The following KCNMB4 variants were observed in gnomAD, a reference collection of about 807,000 sequenced individuals.
The protein encoded by KCNMB4 is potassium calcium-activated channel subfamily M regulatory beta subunit 4.
KCNMB4 carries 3 observed loss-of-function variants against 20.7 expected under a neutral mutation model. That is an observed-to-expected ratio of 0.14 (90% CI 0.07 to 0.37). KCNMB4 has a LOEUF of 0.37. KCNMB4 is among the 10% of genes least tolerant of loss of function. The pLI, the probability that KCNMB4 is intolerant of heterozygous loss-of-function variation, is 1.00. For missense variants in KCNMB4, 168 were observed against 265.9 expected (o/e 0.63, Z 2.56); for synonymous variants, 110 against 113.4 (o/e 0.97, Z 0.19).
In KCNMB4 at chr12:70,425,427, G is replaced by A. The variant is rs1048894594; in HGVS notation, c.465-5058G>A. 1.8e-4 allele frequency among the ~76,000 whole-genome samples: 27 copies of A among 152,040 alleles called. 1 individual carries two copies. Among genetic ancestry groups the A allele is most frequent in the Non-Finnish European group, 1.6e-4 (11 of 68,014 alleles). On this transcript the variant is annotated intron_variant, in intron 2 of 2. Transcript: ENST00000258111. ...CACTTCAGCCTGGGCGACAGAGCAAGACCCCATCTCAAAAAAACAAAAACA... is the reference window on the plus strand; with the variant it reads ...CACTTCAGCCTGGGCGACAGAGCAAAACCCCATCTCAAAAAAACAAAAACA...
At chr12:70,403,952 A>T (rs557775682) in intron 2 of KCNMB4, among the ~76,000 whole-genome samples, 1 of 152,388 alleles carries the variant, frequency 6.6e-6, no homozygotes, top group African/African-American at 2.4e-5. Context: ...TCAAATTAAA[A>T]GGAGGGTTCT....
At chr12:70,405,805 CT>C (rs1216520157) in intron 2 of KCNMB4, among the ~76,000 whole-genome samples, 3 of 152,054 alleles carry the variant, frequency 2.0e-5, no homozygotes, top group African/African-American at 7.2e-5. Context: ...ATGGTGATAC[CT>C]GGGGTCTCAG....
intron 2 of KCNMB4, among the ~76,000 whole-genome samples, chr12:70,428,619 A>T (rs1388888087): frequency 6.6e-6 from 1 of 152,082 alleles, no homozygotes; most frequent in African/African-American, 2.4e-5. Context: ...CTCAGCCTTG[A>T]CTTTTTTAGA....
At chr12:70,384,894 A>AAG (rs1883861504) in intron 1 of KCNMB4, among the ~76,000 whole-genome samples, 1 of 150,406 alleles carries the variant, frequency 6.6e-6, no homozygotes, top group African/African-American at 2.4e-5. Flanking sequence ...AAAAAAAAAA[A>AAG]AAGAAGAAAA....
intron 1 of KCNMB4, among the ~76,000 whole-genome samples, chr12:70,392,943 GCATGTTCTGCA>G (rs1868313297): frequency 6.6e-6 from 1 of 151,964 alleles, no homozygotes; most frequent in Admixed American, 6.6e-5. Flanking sequence ...TAACAAACCT[GCATGTTCTGCA>G]CATGTATCCC....
chr12:70,430,485 A>G lies in KCNMB4; in HGVS notation c.465A>G (p.Arg155=). The change falls in exon 3 of 3, where the codon AGA becomes AGG. Residue 155 remains arginine (R), a splice_region_variant and synonymous_variant. Transcript: ENST00000258111. ...TTTCTTATTCTCCATTGTCTTGCAG[A>G]CCAGATGATGTGCTTCTGCATCGCA... is the stretch of plus-strand genomic sequence containing the variant. The part of the protein sequence containing the change: ...PFTCYFNQHQ[R]PDDVLLHRTH... The G allele has an allele frequency of 6.2e-7, 1 of 1,613,334 alleles. No homozygotes were observed. The highest frequency in any genetic ancestry group is 1.7e-5 in the Admixed American group (1 of 59,850).
chr12:70,384,809 G>A (rs963463528), intron 1 of KCNMB4, among the ~76,000 whole-genome samples: 2 of 143,756 alleles, frequency 1.4e-5, no homozygotes, highest in Admixed American at 1.5e-4. Flanking sequence ...AGGAGTTTAA[G>A]GTTACAGTGA....
chr12:70,425,450 A>C (rs996300898), intron 2 of KCNMB4, among the ~76,000 whole-genome samples: 1 of 151,942 alleles, frequency 6.6e-6, no homozygotes, highest in Non-Finnish European at 1.5e-5. Context: ...AAAAACAAAA[A>C]CAAAACAAAA....
At chr12:70,417,281 C>T (rs1023720968) in intron 2 of KCNMB4, among the ~76,000 whole-genome samples, 8 of 152,094 alleles carry the variant, frequency 5.3e-5, no homozygotes, top group African/African-American at 1.9e-4. Context: ...CCTGTTTGGC[C>T]CCATTTAGTA....
intron 1 of KCNMB4, among the ~76,000 whole-genome samples, chr12:70,368,643 T>G (rs1883537260): frequency 6.6e-6 from 1 of 152,166 alleles, no homozygotes; most frequent in Non-Finnish European, 1.5e-5. Flanking sequence ...CAACCAGTAG[T>G]AATGATTTAG....
intron 1 of KCNMB4, among the ~76,000 whole-genome samples, chr12:70,368,592 T>G (rs1353741972): frequency 1.3e-5 from 2 of 152,094 alleles, no homozygotes; most frequent in Non-Finnish European, 2.9e-5. Flanking sequence ...TAGAAACATT[T>G]TTTTTTTTAG....
At chr12:70,371,689 A>G (rs778691651) in intron 1 of KCNMB4, among the ~76,000 whole-genome samples, 14 of 152,196 alleles carry the variant, frequency 9.2e-5, no homozygotes, top group Non-Finnish European at 1.5e-4. Flanking sequence ...ATCTATTATA[A>G]TGATCAAAGA....
At chr12:70,400,586 G>A (rs1367537539) in intron 2 of KCNMB4, among the ~76,000 whole-genome samples, 1 of 152,168 alleles carries the variant, frequency 6.6e-6, no homozygotes, top group African/African-American at 2.4e-5. Flanking sequence ...CATTTCCTAA[G>A]AATTGCAGAT....
At position 70,366,821 on chromosome 12, in the gene KCNMB4, C is replaced by A. The variant is rs756951139; in HGVS notation, c.87C>A (p.Val29=). 5.0e-6 allele frequency: 8 copies of A among 1,612,914 alleles called. No homozygotes were observed. Among genetic ancestry groups the A allele is most frequent in the Non-Finnish European group, 6.8e-6 (8 of 1,179,946 alleles). Residue 29 remains valine, a synonymous_variant, in exon 1 of 3, where the codon GTC becomes GTA. Transcript: ENST00000258111. The part of the protein sequence containing the change: ...RLGLFLIISG[V]VSLFIFGFCW... Reference sequence around the variant, plus strand: ...GCTTGTTTCTCATCATCTCCGGCGTCGTGTCGCTCTTCATCTTCGGCTTCT... The same window carrying A: ...GCTTGTTTCTCATCATCTCCGGCGTAGTGTCGCTCTTCATCTTCGGCTTCT...
At position 70,400,295 on chromosome 12, in the gene KCNMB4, T is replaced by C; in HGVS notation, c.423T>C (p.Ile141=). 1.2e-6 allele frequency: 2 copies of C among 1,609,280 alleles called. No homozygotes were observed. The highest frequency in any genetic ancestry group is 1.3e-5 in the African/African-American group (1 of 74,804). ...MNWQQYWKDE[I]GSQPFTCYFN... ...GGCAACAGTACTGGAAAGATGAGAT[T>C]GGTTCCCAGCCATTTACTTGCTATT... The change falls in exon 2 of 3, where the codon ATT becomes ATC. Residue 141 remains isoleucine (I), a synonymous_variant. Transcript: ENST00000258111.
intron 1 of KCNMB4, among the ~76,000 whole-genome samples, chr12:70,376,783 G>A (rs1461301130): frequency 6.6e-6 from 1 of 151,022 alleles, no homozygotes; most frequent in Non-Finnish European, 1.5e-5. Flanking sequence ...GAAGTGGGAG[G>A]ATCACTTGAT....
intron 1 of KCNMB4, among the ~76,000 whole-genome samples, chr12:70,387,397 A>AT (rs2136123037): frequency 1.8e-5 from 2 of 111,596 alleles, no homozygotes; most frequent in African/African-American, 4.1e-5. Flanking sequence ...TAAATTTTTT[A>AT]ATTTTTTTTT....
At chr12:70,426,407 G>T (rs1247049954) in intron 2 of KCNMB4, among the ~76,000 whole-genome samples, 5 of 151,998 alleles carry the variant, frequency 3.3e-5, no homozygotes, top group Non-Finnish European at 7.4e-5. Context: ...TTAACTATTA[G>T]AACTTTACAC....
intron 1 of KCNMB4, among the ~76,000 whole-genome samples, chr12:70,378,608 C>G (rs1286644552): frequency 6.6e-6 from 1 of 152,136 alleles, no homozygotes; most frequent in Non-Finnish European, 1.5e-5. Context: ...GTGGTCTTGG[C>G]TCGCTTCACC....
Sources: gnomAD v4.1 joint callset for allele counts (sites outside exome capture counted in the v4.1 genomes callset) on GRCh38, gnomAD v4.1.1 for gene constraint, MANE v1.5 for transcripts, NCBI Gene and HGNC (gene_info 2026-07-23, HGNC 2026-07-21) for gene names.